CLTC: variants seen among roughly 807,000 people sequenced by gnomAD.
CLTC encodes clathrin heavy chain.
CLTC carries 16 observed loss-of-function variants against 195.8 expected under a neutral mutation model. The observed-to-expected ratio is 0.08, with a 90% CI of 0.06 to 0.12. CLTC has a LOEUF of 0.12. Ranked by LOEUF, CLTC falls within the 10% of genes least tolerant of loss-of-function variation. CLTC has a pLI of 1.00. For missense variants in CLTC, 796 were observed against 2,027.0 expected, an observed-to-expected ratio of 0.39 and a Z score of 11.66; for synonymous variants, 667 against 689.4, an observed-to-expected ratio of 0.97 and a Z score of 0.51.
At chr17:59,651,886 C>T (rs2032337256) in intron 5 of CLTC, among the ~76,000 whole-genome samples, 3 of 152,152 alleles carry the variant, frequency 2.0e-5, no homozygotes, top group Admixed American at 2.0e-4. Flanking sequence ...TTTCTCTGTG[C>T]ATTGCTGTTT....
At chr17:59,692,186 A>G (rs1304175896) in intron 31 of CLTC, among the ~76,000 whole-genome samples, 3 of 152,274 alleles carry the variant, frequency 2.0e-5, no homozygotes, top group Admixed American at 1.3e-4. Context: ...GCATGGTGGC[A>G]TGCAACTGTA....
Position 59,693,853 on chromosome 17 carries a change from G to A in CLTC, c.*1G>A. Reference sequence around the variant, plus strand: ...GCCTGGCTTTGGGTACAGCATGTGAGATGAAGCGCTGATCCTGTAGTCACC... The same window carrying A: ...GCCTGGCTTTGGGTACAGCATGTGAAATGAAGCGCTGATCCTGTAGTCACC... On this transcript the variant is annotated 3_prime_UTR_variant, in exon 32 of 32. Coordinates refer to ENST00000269122, the MANE Select transcript of CLTC (RefSeq NM_004859.4). The A allele has an allele frequency of 6.2e-7, 1 of 1,609,288 alleles. No homozygotes were observed. Among genetic ancestry groups the A allele is most frequent in the South Asian group, 1.1e-5 (1 of 90,590 alleles).
rs1221564204 is a variant in CLTC, at chr17:59,685,517, T to A, written c.4606-70T>A. 3.8e-6 allele frequency: 5 copies of A among 1,314,222 alleles called. No individual in the cohort carries two copies. The highest frequency in any genetic ancestry group is 5.3e-6 in the Non-Finnish European group (5 of 939,622). 81.4% of individuals were successfully genotyped at this position (1,314,222 alleles called of 1,614,324 possible). On this transcript the variant is annotated intron_variant, in intron 29 of 31. Coordinates refer to ENST00000269122, the MANE Select transcript of CLTC (RefSeq NM_004859.4). This position sits in a 1 kb window ranked among gnomAD's most constrained non-coding sequence, Gnocchi z 5.0. ...CAGATTTATATTGGAAAGTTTCCAT[T>A]GTTTTTCTTGGTTTACTAGTTCAGT...
intron 31 of CLTC, among the ~76,000 whole-genome samples, chr17:59,692,994 A>G (rs2033343155): frequency 2.0e-5 from 3 of 152,170 alleles, no homozygotes; most frequent in Non-Finnish European, 4.4e-5. Flanking sequence ...TGGATCTTCT[A>G]TAAATGAATT....
At chr17:59,668,554 G>GA (rs1320475409) in intron 13 of CLTC, among the ~76,000 whole-genome samples, 1 of 151,772 alleles carries the variant, frequency 6.6e-6, no homozygotes. Context: ...CAATAAAAAA[G>GA]AAAAAAAGGA....
intron 1 of CLTC, among the ~76,000 whole-genome samples, chr17:59,639,668 T>C (rs1299993242): frequency 6.6e-6 from 1 of 152,142 alleles, no homozygotes; most frequent in Non-Finnish European, 1.5e-5. Flanking sequence ...CTTAGTTCCA[T>C]AGTGTATAAT....
intron 30 of CLTC, chr17:59,689,793 C>G (rs1225919498): frequency 1.3e-5 from 2 of 152,128 alleles, no homozygotes; most frequent in East Asian, 3.8e-4. Context: ...AACTGCAGAT[C>G]ATTTTGTTCA....
chr17:59,636,118 G>A (rs1352021747), intron 1 of CLTC, among the ~76,000 whole-genome samples: 3 of 150,308 alleles, frequency 2.0e-5, no homozygotes, highest in African/African-American at 7.4e-5. Flanking sequence ...TGGGCAACAA[G>A]AGCGAAACTA....
At chr17:59,658,173 A>C (rs1189179945) in intron 6 of CLTC, among the ~76,000 whole-genome samples, 1 of 152,164 alleles carries the variant, frequency 6.6e-6, no homozygotes, top group Non-Finnish European at 1.5e-5. Flanking sequence ...ATTGCACTCC[A>C]GCCTGGGTAA....
intron 16 of CLTC, 143 bp from the exon 17 acceptor site, chr17:59,676,811 A>T (rs1261908469): frequency 1.5e-6 from 1 of 652,398 alleles, no homozygotes; most frequent in Non-Finnish European, 2.6e-6. Context: ...TTCAGCCTGG[A>T]CAATGTAGCA....
intron 1 of CLTC, among the ~76,000 whole-genome samples, chr17:59,642,206 GA>G (rs2032058513): frequency 6.6e-6 from 1 of 152,090 alleles, no homozygotes; most frequent in South Asian, 2.1e-4. Flanking sequence ...CTGAAGTTGA[GA>G]AGTAGGAAGG....
chr17:59,656,666 A>ATTTTTTTTTTTTTTTTTTTT (rs55669818), intron 6 of CLTC, among the ~76,000 whole-genome samples: 25 of 96,222 alleles, frequency 2.6e-4, no homozygotes, highest in Non-Finnish European at 4.1e-4. Flanking sequence ...TATTATTTTA[A>ATTTTTTTTTTTTTTTTTTTT]TTTTTTTTTT....
At chr17:59,636,497 C>T (rs1376084093) in intron 1 of CLTC, among the ~76,000 whole-genome samples, 2 of 151,766 alleles carry the variant, frequency 1.3e-5, no homozygotes, top group Non-Finnish European at 2.9e-5. Context: ...GCTCTGTCGC[C>T]CAGGCTGGAG....
intron 31 of CLTC, 65 bp from the exon 32 acceptor site, chr17:59,693,663 T>C: frequency 6.5e-7 from 1 of 1,539,912 alleles, no homozygotes; most frequent in Non-Finnish European, 8.7e-7. Flanking sequence ...GTGTTCTAAA[T>C]GCTAACAGTT....
At position 59,681,842 on chromosome 17, in the gene CLTC, A is replaced by G. The variant is rs1359737988; in HGVS notation, c.3442+3A>G. 4.4e-6 allele frequency: 7 copies of G among 1,608,462 alleles called. No homozygotes were observed. The highest frequency in any genetic ancestry group is 1.7e-5 in the Admixed American group (1 of 59,612). On this transcript the variant is annotated splice_donor_region_variant and intron_variant, in intron 21 of 31. Transcript: ENST00000269122. The surrounding 1 kb of genome is among the most constrained non-coding windows in gnomAD (Gnocchi z 5.0). ...TGTTCAGGCTGCCAATACTAGTGGT[A>G]TGACTTCTTACCTTATGTATTGAAA...
rs181892032 is a variant in CLTC at position 59,660,136 on chromosome 17, G to A, written c.970-255G>A. Among the ~76,000 whole-genome samples, 118 of 152,304 alleles carry A rather than the reference G, an allele frequency of 7.7e-4. No individual in the cohort carries two copies. In the East Asian group the frequency reaches 0.022, roughly 28 times the overall value. On this transcript the variant is annotated intron_variant, in intron 6 of 31. Coordinates refer to ENST00000269122, the MANE Select transcript of CLTC (RefSeq NM_004859.4). Reference sequence around the variant, plus strand: ...GCAGTTAGTTTGGACAATGAAGTAAGTTATTTAGATTATAGAATAGCCATA... The same window carrying A: ...GCAGTTAGTTTGGACAATGAAGTAAATTATTTAGATTATAGAATAGCCATA...
Position 59,690,632 on chromosome 17 carries a change from C to G in CLTC, c.4828-4C>G. 6.2e-7 allele frequency: 1 copy of G among 1,606,928 alleles called. No homozygotes were observed. The highest frequency in any genetic ancestry group is 8.5e-7 in the Non-Finnish European group (1 of 1,175,758). On this transcript the variant is annotated splice_region_variant and splice_polypyrimidine_tract_variant and intron_variant, in intron 30 of 31. Transcript: ENST00000269122. ...GCTAATTAACATGATGTGTTTTTCTCCAGGTGGATAAATTAGATGCTTCAG... is the reference window on the plus strand; with the variant it reads ...GCTAATTAACATGATGTGTTTTTCTGCAGGTGGATAAATTAGATGCTTCAG...
At chr17:59,629,319 CT>C (rs1399069179) in intron 1 of CLTC, among the ~76,000 whole-genome samples, 1 of 152,106 alleles carries the variant, frequency 6.6e-6, no homozygotes, top group African/African-American at 2.4e-5. Flanking sequence ...CTCACAGTTG[CT>C]TCTGTTCTGA....
intron 1 of CLTC, among the ~76,000 whole-genome samples, chr17:59,640,641 A>G (rs572329408): frequency 1.3e-5 from 2 of 151,494 alleles, no homozygotes; most frequent in African/African-American, 4.8e-5. Context: ...CTCGTGATCC[A>G]CGCCCCCTTG....
Sources: allele counts gnomAD v4.1 joint callset (sites outside exome capture counted in the v4.1 genomes callset), GRCh38; gene constraint gnomAD v4.1.1; non-coding constraint Gnocchi (gnomAD v3.1); transcripts MANE v1.5; gene names NCBI Gene and HGNC (gene_info 2026-07-23, HGNC 2026-07-21).